APP: variants seen among roughly 807,000 people sequenced by gnomAD.
APP encodes amyloid-beta precursor protein.
Under a neutral mutation model 101.4 loss-of-function variants are expected in APP, and 31 were observed. That is an observed-to-expected ratio of 0.31 (90% confidence interval 0.23 to 0.41). APP has a LOEUF of 0.41. Ranked by LOEUF, APP falls within the 10% of genes least tolerant of loss-of-function variation. APP has a pLI of 1.00. For synonymous variants in APP, 366 were observed against 364.4 expected, an observed-to-expected ratio of 1.00 and a Z score of -0.05; for missense variants, 839 against 1,003.7, an observed-to-expected ratio of 0.84 and a Z score of 2.22.
intron 3 of APP, among the ~76,000 whole-genome samples, chr21:26,073,015 G>A (rs1178988947): frequency 6.6e-6 from 1 of 152,054 alleles, no homozygotes; most frequent in Non-Finnish European, 1.5e-5. Context: ...ATTCTTGGTG[G>A]AGCACCCGCA....
At position 25,943,787 on chromosome 21, in the gene APP, T is replaced by A. The variant is rs1471381328; in HGVS notation, c.1687+10803A>T. Among the ~76,000 whole-genome samples, 10 of 152,340 alleles carry A rather than the reference T, an allele frequency of 6.6e-5. No individual in the cohort carries two copies. The East Asian group carries it at 1.9e-3, about 29-fold the overall frequency. ...AAGACTTCCTTACAAATAAAAGTGG[T>A]GACTGAGAACTAAGCCATATACCTA... On this transcript the variant is annotated intron_variant, in intron 13 of 17. Coordinates refer to ENST00000346798, the MANE Select transcript of APP (RefSeq NM_000484.4).
intron 1 of APP, among the ~76,000 whole-genome samples, chr21:26,166,034 TA>T (rs371210065): frequency 9.3e-4 from 141 of 152,310 alleles, no homozygotes; most frequent in Non-Finnish European, 1.5e-3. Context: ...AAGATTAATC[TA>T]AAGAGGAAAA....
At chr21:26,044,965 G>A (rs2045542632) in intron 5 of APP, among the ~76,000 whole-genome samples, 1 of 152,172 alleles carries the variant, frequency 6.6e-6, no homozygotes, top group Non-Finnish European at 1.5e-5. Flanking sequence ...AAAATGATGT[G>A]ACAGTATTCC....
intron 11 of APP, among the ~76,000 whole-genome samples, chr21:25,961,397 C>T (rs1449787188): frequency 1.3e-5 from 2 of 152,176 alleles, no homozygotes; most frequent in Admixed American, 1.3e-4. Context: ...GCAAAATAAA[C>T]TTTCTAAATT....
intron 1 of APP, among the ~76,000 whole-genome samples, chr21:26,154,733 G>T (rs923602767): frequency 3.3e-5 from 5 of 152,152 alleles, no homozygotes; most frequent in African/African-American, 1.2e-4. Flanking sequence ...AAATGTGGGT[G>T]ATTTTGAACA....
chr21:25,894,801 A>C lies in APP; in HGVS notation c.2064+2772T>G, dbSNP rs1395998399. Among the ~76,000 whole-genome samples the C allele has an allele frequency of 2.0e-5, 3 of 152,362 alleles. No homozygotes were observed. In the East Asian group the frequency reaches 5.8e-4, roughly 29 times the overall value. ...TGAAGCAGTGGCTAGATTTGCGAAG[A>C]CTGACTCCAATTTTGAAAGCTGTTC... On this transcript the variant is annotated intron_variant, in intron 16 of 17. Transcript: ENST00000346798.
intron 6 of APP, among the ~76,000 whole-genome samples, chr21:26,007,313 A>G (rs1449403319): frequency 6.7e-6 from 1 of 149,286 alleles, no homozygotes; most frequent in Non-Finnish European, 1.5e-5. Flanking sequence ...AAAATCCACT[A>G]AGTATACAAA....
chr21:26,166,871 T>G (rs1038279903), intron 1 of APP, among the ~76,000 whole-genome samples: 1 of 135,202 alleles, frequency 7.4e-6, no homozygotes, highest in Non-Finnish European at 1.6e-5. Flanking sequence ...GTCACTCAAG[T>G]GAGAGAGAGA....
rs553313187 is a variant in APP, at chr21:26,040,077, T to A, written c.662+10923A>T. Among the ~76,000 whole-genome samples the A allele has an allele frequency of 9.9e-5, 15 of 152,272 alleles. No individual in the cohort carries two copies. In the South Asian group the frequency reaches 2.9e-3, roughly 29 times the overall value. ...AGTATAAACATAAAATTCATTTATG[T>A]TTCAAAAATACCTTATACACACAGC... On this transcript the variant is annotated intron_variant, in intron 5 of 17. Coordinates refer to ENST00000346798, the MANE Select transcript of APP (RefSeq NM_000484.4).
intron 9 of APP, among the ~76,000 whole-genome samples, chr21:25,976,327 T>C (rs2042222335): frequency 6.6e-6 from 1 of 152,144 alleles, no homozygotes; most frequent in Non-Finnish European, 1.5e-5. Context: ...TGTGAACAAA[T>C]ACCAACTATT....
chr21:26,148,480 AG>A (rs1427564989), intron 1 of APP, among the ~76,000 whole-genome samples: 1 of 152,256 alleles, frequency 6.6e-6, no homozygotes, highest in African/African-American at 2.4e-5. Flanking sequence ...CAAGGAAATG[AG>A]GCTCATTTCA....
At chr21:25,963,127 T>C (rs2041654172) in intron 11 of APP, among the ~76,000 whole-genome samples, 1 of 152,238 alleles carries the variant, frequency 6.6e-6, no homozygotes, top group Non-Finnish European at 1.5e-5. Context: ...GTACATTTTT[T>C]ATTGATTTCC....
intron 1 of APP, among the ~76,000 whole-genome samples, chr21:26,154,384 A>G (rs952067052): frequency 2.0e-5 from 3 of 152,152 alleles, no homozygotes; most frequent in Non-Finnish European, 4.4e-5. Context: ...TGGGTCCCAA[A>G]AGGTCCCCCC....
At chr21:26,029,134 AGGAAGTATAAGATCTGGT>A (rs902325637) in intron 5 of APP, among the ~76,000 whole-genome samples, 34 of 152,146 alleles carry the variant, frequency 2.2e-4, no homozygotes, top group Non-Finnish European at 3.1e-4. Context: ...CAGATGAGGG[AGGAAGTATAAGATCTGGT>A]GGTGGAGACA....
intron 6 of APP, chr21:26,009,867 C>A: frequency 5.8e-6 from 1 of 170,988 alleles, no homozygotes. Context: ...GGGATTACAG[C>A]ATGAGCCATC....
In APP at chr21:25,962,013, T is replaced by C. The variant is rs115794776; in HGVS notation, c.1459-6258A>G. Among the ~76,000 whole-genome samples the C allele has an allele frequency of 1.7e-3, 265 of 152,326 alleles. 2 individuals are homozygous for C. The highest frequency in any genetic ancestry group is 6.1e-3 in the African/African-American group (252 of 41,570). On this transcript the variant is annotated intron_variant, in intron 11 of 17. Coordinates refer to ENST00000346798, the MANE Select transcript of APP (RefSeq NM_000484.4). ...GTATTAATACTACAGTCTGGTTATA[T>C]TGGCATTAGATGGCTAATCTCATTA...
intron 1 of APP, among the ~76,000 whole-genome samples, chr21:26,168,911 G>A (rs2063676184): frequency 6.6e-6 from 1 of 152,166 alleles, no homozygotes; most frequent in South Asian, 2.1e-4. Context: ...AAAAACTAAT[G>A]GTGTGATAGT....
chr21:25,909,590 T>G (rs1000305111), intron 14 of APP, among the ~76,000 whole-genome samples: 8 of 152,196 alleles, frequency 5.3e-5, no homozygotes, highest in African/African-American at 1.9e-4. Context: ...TATGTGTGTG[T>G]GTGTACATTC....
At chr21:25,918,852 G>C (rs1478831722) in intron 13 of APP, among the ~76,000 whole-genome samples, 1 of 149,214 alleles carries the variant, frequency 6.7e-6, no homozygotes, top group Non-Finnish European at 1.5e-5. Context: ...AAAGCAGCCG[G>C]GAAGCTCGAA....
Sources: gnomAD v4.1 joint callset for allele counts (sites outside exome capture counted in the v4.1 genomes callset) on GRCh38, gnomAD v4.1.1 for gene constraint, MANE v1.5 for transcripts, NCBI Gene and HGNC (gene_info 2026-07-23, HGNC 2026-07-21) for gene names.